Variants in TOGARAM2 observed in about 807,000 individuals in gnomAD.
The protein encoded by TOGARAM2 is TOG array regulator of axonemal microtubules 2.
A neutral mutation model predicts 93.3 loss-of-function variants in TOGARAM2; 85 were observed. That is an observed-to-expected ratio of 0.91 (90% CI 0.76 to 1.09). The LOEUF (loss-of-function observed/expected upper bound fraction) is 1.09, where lower values mean the gene tolerates loss of function less well. Among genes scored for constraint, TOGARAM2 ranks in the 50% least tolerant of loss-of-function variants. The probability of loss-of-function intolerance (pLI) is 0.00; values close to 1 mark genes in which losing one functional copy is unlikely to be tolerated. For missense variants in TOGARAM2, 1,277 were observed against 1,334.5 expected, an observed-to-expected ratio of 0.96 and a Z score of 0.67; for synonymous variants, 593 against 552.8, an observed-to-expected ratio of 1.07 and a Z score of -1.02.
chr2:28,978,490 C>T (rs928918073), upstream of TOGARAM2, among the ~76,000 whole-genome samples: 1 of 152,116 alleles, frequency 6.6e-6, no homozygotes, highest in Non-Finnish European at 1.5e-5. Flanking sequence ...TACAAATCAA[C>T]AAGGGCCAAG....
Position 29,017,177 on chromosome 2 carries a change from T to G in TOGARAM2, c.1068T>G (p.Ser356=), listed in dbSNP as rs753751336. The part of the protein sequence containing the change: ...GTKIQVTISK[S]AREKMQLKQM... Reference sequence around the variant, plus strand: ...AGATCCAAGTCACCATCTCCAAGTCTGCCCGGGAGAAGATGCAGCTGAAGC... The same window carrying G: ...AGATCCAAGTCACCATCTCCAAGTCGGCCCGGGAGAAGATGCAGCTGAAGC... The change falls in exon 9 of 20, where the codon TCT becomes TCG. Residue 356 remains serine, a synonymous_variant. Transcript: ENST00000379558. The G allele has an allele frequency of 2.5e-6, 4 of 1,613,706 alleles. No individual in the cohort carries two copies. Among genetic ancestry groups the G allele is most frequent in the African/African-American group, 2.7e-5 (2 of 74,916 alleles).
chr2:29,038,690 C>T (rs1666260938), intron 18 of TOGARAM2, among the ~76,000 whole-genome samples: 1 of 152,168 alleles, frequency 6.6e-6, no homozygotes, highest in Non-Finnish European at 1.5e-5. Flanking sequence ...GGCGATCCAT[C>T]TGCCTCGGCC....
At chr2:29,024,790 G>A (rs1665238389) in intron 13 of TOGARAM2, among the ~76,000 whole-genome samples, 1 of 152,164 alleles carries the variant, frequency 6.6e-6, no homozygotes, top group African/African-American at 2.4e-5. Flanking sequence ...GAGGCAGCCT[G>A]AGCATGGGCC....
intron 1 of TOGARAM2, among the ~76,000 whole-genome samples, chr2:28,985,733 C>T (rs1325760152): frequency 2.0e-5 from 3 of 152,192 alleles, no homozygotes; most frequent in African/African-American, 7.2e-5. Context: ...TCTCAAGACA[C>T]TTTTCTTCTA....
chr2:29,024,132 C>G lies in TOGARAM2; in HGVS notation c.1618-7C>G. The stretch of plus-strand genomic sequence containing the variant: ...GCACCCTGGAGGGCCTCTCTCCTCT[C>G]TCCAAGGTCACCAACCTGCGGTCCA... On this transcript the variant is annotated splice_region_variant and splice_polypyrimidine_tract_variant and intron_variant, in intron 12 of 19. Coordinates refer to ENST00000379558, the MANE Select transcript of TOGARAM2 (RefSeq NM_199280.4). 2.6e-6 allele frequency: 4 copies of G among 1,563,066 alleles called. No homozygotes were observed. Among genetic ancestry groups the G allele is most frequent in the Non-Finnish European group, 3.5e-6 (4 of 1,153,520 alleles).
chr2:29,040,983 A>T lies in TOGARAM2; in HGVS notation c.2635+4226A>T, dbSNP rs144136579. Among the ~76,000 whole-genome samples, 32 of 151,796 alleles carry T rather than the reference A, an allele frequency of 2.1e-4. No individual in the cohort carries two copies. In the East Asian group the frequency reaches 4.8e-3, roughly 23 times the overall value. On this transcript the variant is annotated intron_variant, in intron 18 of 19. Transcript: ENST00000379558. ...GGATTCGCATCCTGCTTTTAAAAAA[A>T]TCATAGCATAAGCATTTGCAGATGA...
At position 29,022,269 on chromosome 2, in the gene TOGARAM2, G is replaced by A. The variant is rs1665004384; in HGVS notation, c.1472G>A (p.Gly491Glu). Residue 491 changes from glycine to glutamate, a missense_variant, in exon 11 of 20, where the codon GGG becomes GAG. Physicochemically the swap from Gly to Glu is moderately conservative, Grantham distance 98. Transcript: ENST00000379558. ...AGGCCTTTCTCGAACCCGGAGCTGG[G>A]GCTGAGGGATGCACTCCAGTGCCTC... ...ELRPFSNPEL[G>E]LRDALQCLNS... 2 of 1,614,044 alleles carry A rather than the reference G, an allele frequency of 1.2e-6. No homozygotes were observed. The highest frequency in any genetic ancestry group is 1.7e-6 in the Non-Finnish European group (2 of 1,179,900).
intron 8 of TOGARAM2, among the ~76,000 whole-genome samples, chr2:29,016,043 A>C (rs925611592): frequency 1.2e-4 from 18 of 152,116 alleles, no homozygotes; most frequent in Admixed American, 7.9e-4. Context: ...ATCTCTGCTT[A>C]AGTGCCTAAT....
intron 19 of TOGARAM2, chr2:29,051,535 A>G (rs971704940): frequency 1.6e-5 from 7 of 434,178 alleles, no homozygotes; most frequent in Non-Finnish European, 2.8e-5. Flanking sequence ...ACTGGTTGGT[A>G]TAAGCACAGA....
intron 4 of TOGARAM2, 133 bp downstream of exon 4, chr2:28,999,601 A>T: frequency 2.0e-6 from 2 of 1,023,124 alleles, no homozygotes; most frequent in Non-Finnish European, 2.8e-6. Context: ...GTGGGTACAT[A>T]CCAGGTACCT....
intron 10 of TOGARAM2, among the ~76,000 whole-genome samples, chr2:29,020,261 G>A (rs113630722): frequency 1.5e-5 from 2 of 137,676 alleles, no homozygotes; most frequent in African/African-American, 3.5e-5. Context: ...GATTGGGAAT[G>A]GATGTGGGTT....
At chr2:29,009,681 G>T (rs1311079195) in intron 6 of TOGARAM2, among the ~76,000 whole-genome samples, 2 of 152,166 alleles carry the variant, frequency 1.3e-5, no homozygotes, top group African/African-American at 4.8e-5. Flanking sequence ...GAAGAGGCAG[G>T]TGCTGGGGAC....
rs766933223 is a variant in TOGARAM2, at chr2:29,036,694, T to TC, written c.2574dup (p.Lys859GlnfsTer18). On this transcript the variant is annotated frameshift_variant, in exon 18 of 20. Coordinates refer to ENST00000379558, the MANE Select transcript of TOGARAM2 (RefSeq NM_199280.4). LOFTEE classifies it high-confidence loss of function. ...CATCACTGTTGCAGACAACCTCAAC[T>TC]CCAAGAACTCAGGGATTTACGCTGC... is the stretch of plus-strand genomic sequence containing the variant. The TC allele has an allele frequency of 1.3e-4, 215 of 1,613,796 alleles. No homozygotes were observed. Among genetic ancestry groups the TC allele is most frequent in the Non-Finnish European group, 1.7e-4 (199 of 1,179,866 alleles).
chr2:28,973,881 T>G (rs531019045), intron 1 of TOGARAM2, among the ~76,000 whole-genome samples: 4 of 152,106 alleles, frequency 2.6e-5, no homozygotes, highest in Non-Finnish European at 5.9e-5. Context: ...TTCTCTTAGT[T>G]TTCTTTATCT....
intron 1 of TOGARAM2, among the ~76,000 whole-genome samples, chr2:28,968,724 TAGG>T (rs1671901878): frequency 7.0e-6 from 1 of 142,842 alleles, no homozygotes; most frequent in Admixed American, 7.5e-5. Flanking sequence ...GAGGCTGAGG[TAGG>T]AGGATCACTG....
Position 29,002,687 on chromosome 2 carries a change from G to A in TOGARAM2, c.579G>A (p.Lys193=), listed in dbSNP as rs943965720. 2 of 1,614,066 alleles carry A rather than the reference G, an allele frequency of 1.2e-6. No individual in the cohort carries two copies. The highest frequency in any genetic ancestry group is 2.2e-5 in the East Asian group (1 of 44,888). ...TTPEASGVKE[K]GLDLPGSIPG... ...CTGAGGCCAGCGGAGTCAAAGAGAA[G>A]GGCCTGGACCTACCGGGGAGCATTC... The change falls in exon 5 of 20, where the codon AAG becomes AAA. Residue 193 remains lysine, a synonymous_variant. Coordinates refer to ENST00000379558, the MANE Select transcript of TOGARAM2 (RefSeq NM_199280.4).
At chr2:29,000,863 A>G (rs1243553205) in intron 4 of TOGARAM2, among the ~76,000 whole-genome samples, 1 of 152,222 alleles carries the variant, frequency 6.6e-6, no homozygotes, top group East Asian at 1.9e-4. Flanking sequence ...AAGCTTCCTT[A>G]GAACTTCCAG....
At chr2:29,013,666 C>A (rs760400251) in intron 7 of TOGARAM2, among the ~76,000 whole-genome samples, 3 of 152,214 alleles carry the variant, frequency 2.0e-5, no homozygotes, top group Non-Finnish European at 2.9e-5. Flanking sequence ...GAAGACCCGG[C>A]AAGCAAGGTG....
At chr2:28,959,070 G>A (rs529763718) in intron 1 of TOGARAM2, among the ~76,000 whole-genome samples, 2 of 152,284 alleles carry the variant, frequency 1.3e-5, no homozygotes, top group South Asian at 4.2e-4. Context: ...AGGAGATCGA[G>A]TCTCCAGGTG....
Sources: gnomAD v4.1 joint callset for allele counts (sites outside exome capture counted in the v4.1 genomes callset) on GRCh38, gnomAD v4.1.1 for gene constraint, MANE v1.5 for transcripts, NCBI Gene and HGNC (gene_info 2026-07-23, HGNC 2026-07-21) for gene names.